Variants in NUDT16L1 observed in about 807,000 individuals in gnomAD.
NUDT16L1 encodes nudix hydrolase 16 like 1.
In NUDT16L1, 19 loss-of-function variants were observed where a neutral mutation model predicts 17.3. The observed-to-expected ratio is 1.10, with a 90% CI of 0.77 to 1.61. The LOEUF (loss-of-function observed/expected upper bound fraction) is 1.61, where lower values mean the gene tolerates loss of function less well. Among genes scored for constraint, NUDT16L1 ranks in the 40% most tolerant of loss-of-function variants. The pLI is 0.00. For missense variants in NUDT16L1, 341 were observed against 292.0 expected (o/e 1.17, Z -1.22); for synonymous variants, 255 against 138.6 (o/e 1.84, Z -5.90).
exon 2 of NUDT16L1, chr16:4,694,176 A>T: frequency 6.3e-7 from 1 of 1,579,046 alleles, no homozygotes; most frequent in Non-Finnish European, 8.5e-7. Context: ...GCGGCAGCTG[A>T]CGCTGGAGCA....
At chr16:4,695,669 G>T in exon 3 of NUDT16L1, 1 of 405,690 alleles carries the variant, frequency 2.5e-6, no homozygotes, top group Non-Finnish European at 4.3e-6. Flanking sequence ...AATTTGGGTT[G>T]TTGTTGGATT....
chr16:4,694,427 G>A (rs2079487698), intron 2 of NUDT16L1, 189 bp downstream of exon 2: 4 of 822,020 alleles, frequency 4.9e-6, no homozygotes, highest in Non-Finnish European at 7.9e-6. Flanking sequence ...GGGGGTGGGG[G>A]CCGGCGCTGG....
intron 2 of NUDT16L1, chr16:4,694,474 C>CTGCCA: frequency 6.6e-7 from 1 of 1,523,592 alleles, no homozygotes; most frequent in Non-Finnish European, 8.8e-7. Flanking sequence ...GCCTTGCTGC[C>CTGCCA]TGCCATTGCC....
intron 2 of NUDT16L1, 139 bp from the exon 3 acceptor site, chr16:4,694,819 A>G: frequency 6.9e-7 from 1 of 1,449,556 alleles, no homozygotes. Flanking sequence ...GGCTTCTGCC[A>G]GGCCCTGCGT....
chr16:4,695,404 C>T (rs545479187), exon 3 of NUDT16L1: 2 of 597,768 alleles, frequency 3.3e-6, no homozygotes, highest in South Asian at 2.0e-5. Context: ...CACACTGGGC[C>T]TGCCTCTCCA....
At chr16:4,695,502 G>A in exon 3 of NUDT16L1, 1 of 550,800 alleles carries the variant, frequency 1.8e-6, no homozygotes, top group Non-Finnish European at 3.2e-6. Flanking sequence ...GTGCCTGATT[G>A]TCCCACAGGG....
At chr16:4,694,347 C>T (rs1023609117) in intron 2 of NUDT16L1, 109 bp downstream of exon 2, 60 of 1,212,374 alleles carry the variant, frequency 4.9e-5, no homozygotes, top group Admixed American at 5.6e-5. Context: ...CGGGCTGGGT[C>T]GGGTGTCGCT....
At chr16:4,694,881 T>G in intron 2 of NUDT16L1, 77 bp from the exon 3 acceptor site, 1 of 1,520,874 alleles carries the variant, frequency 6.6e-7, no homozygotes, top group Non-Finnish European at 8.8e-7. Flanking sequence ...CCTGGCCTCA[T>G]AGCTTCCAGG....
At chr16:4,695,830 T>C (rs1018536545) in exon 3 of NUDT16L1, 1 of 362,128 alleles carries the variant, frequency 2.8e-6, no homozygotes. Flanking sequence ...GACAATAAAG[T>C]CGCTCCGCAG....
Position 4,693,829 on chromosome 16 carries a change from G to A in NUDT16L1, c.103G>A (p.Ala35Thr), listed in dbSNP as rs747976596. 1.7e-5 allele frequency: 27 copies of A among 1,566,884 alleles called. No homozygotes were observed. In the South Asian group the frequency reaches 2.1e-4, roughly 12 times the overall value. ...CTCGTGCCACGCCATGCTGTACGCC[G>A]CCAACCCTGGGCAGCTCTTCGGCCG... Residue 35 changes from alanine (A) to threonine (T), a missense_variant, in exon 1 of 3, where the codon GCC (alanine) becomes ACC (threonine). Physicochemically the swap from Ala to Thr is moderately conservative, Grantham distance 58. Coordinates refer to ENST00000304301, the Ensembl canonical transcript of NUDT16L1.
Position 4,693,913 on chromosome 16 carries a change from G to A in NUDT16L1, c.153+34G>A, listed in dbSNP as rs755956459. The stretch of plus-strand genomic sequence containing the variant: ...GGGCGAGGGCGCGGGCGAGGGTGCC[G>A]GCGCGGGCGGGCCCGGGCGGGGGCG... On this transcript the variant is annotated intron_variant, in intron 1 of 2. Transcript: ENST00000304301. The A allele has an allele frequency of 6.0e-6, 9 of 1,488,950 alleles. No homozygotes were observed. In the African/African-American group the frequency reaches 1.0e-4, roughly 17 times the overall value. The allele number at this position is 1,488,950 out of a possible 1,614,324, so 92.2% of individuals were successfully genotyped here. A position where few individuals can be genotyped will look rare whatever the true frequency, so the allele number is the denominator to read the frequency against.
chr16:4,694,048 A>G, exon 2 of NUDT16L1: 2 of 1,585,644 alleles, frequency 1.3e-6, no homozygotes, highest in Admixed American at 1.7e-5. Flanking sequence ...TGGTCGCTGG[A>G]GGACGGCCTG....
chr16:4,695,587 C>T, exon 3 of NUDT16L1: 3 of 441,558 alleles, frequency 6.8e-6, no homozygotes, highest in Non-Finnish European at 4.0e-6. Context: ...TCAGCTCATT[C>T]CTGCCTCCTT....
At chr16:4,693,582 C>A (rs1414580427), upstream of NUDT16L1, 6 of 930,422 alleles carry the variant, frequency 6.4e-6, no homozygotes, top group Non-Finnish European at 8.5e-6. Context: ...CGCGGCGCTG[C>A]GAGGGGCTCG....
chr16:4,695,192 C>G, exon 3 of NUDT16L1: 8 of 1,609,520 alleles, frequency 5.0e-6, no homozygotes, highest in Non-Finnish European at 6.8e-6. Flanking sequence ...GCTGCCTGAG[C>G]TGGTGGCACC....
chr16:4,694,428 C>T (rs1047904080), intron 2 of NUDT16L1, 190 bp downstream of exon 2: 2 of 1,499,872 alleles, frequency 1.3e-6, no homozygotes, highest in Non-Finnish European at 1.8e-6. Context: ...GGGGTGGGGG[C>T]CGGCGCTGGG....
Position 4,695,846 on chromosome 16 carries a change from C to CTGTG in NUDT16L1, c.*671_*674dup. 3.0e-6 allele frequency: 1 copy of CTGTG among 331,760 alleles called. No individual in the cohort carries two copies. Among genetic ancestry groups the CTGTG allele is most frequent in the Non-Finnish European group, 5.4e-6 (1 of 183,924 alleles). The allele number at this position is 331,760 out of a possible 1,614,324, so 20.6% of individuals were successfully genotyped here. A position where few individuals can be genotyped will look rare whatever the true frequency, so the allele number is the denominator to read the frequency against. ...ACAATAAAGTCGCTCCGCAGCTGCTCTGTGTGTTTCTCAGCTGCCCTGTGT... is the reference window on the plus strand; with the variant it reads ...ACAATAAAGTCGCTCCGCAGCTGCTCTGTGTGTGTGTTTCTCAGCTGCCCTGTGT... On this transcript the variant is annotated 3_prime_UTR_variant, in exon 3 of 3. Coordinates refer to ENST00000304301, the Ensembl canonical transcript of NUDT16L1.
intron 2 of NUDT16L1, chr16:4,694,666 C>A: frequency 3.6e-6 from 5 of 1,406,040 alleles, no homozygotes; most frequent in Non-Finnish European, 4.6e-6. Flanking sequence ...TGCGGGTGTT[C>A]AGGCTTCGTT....
exon 2 of NUDT16L1, chr16:4,694,025 G>A (rs929040100): frequency 2.5e-6 from 4 of 1,584,520 alleles, no homozygotes; most frequent in Non-Finnish European, 3.4e-6. Flanking sequence ...GGGGCTTCGT[G>A]GACCGGCGCT....
Sources: allele counts gnomAD v4.1 joint callset, GRCh38; gene constraint gnomAD v4.1.1; transcripts MANE v1.5; gene names NCBI Gene and HGNC (gene_info 2026-07-23, HGNC 2026-07-21).